Variants in ANKRD18A observed in about 807,000 individuals in gnomAD.
The protein encoded by ANKRD18A is ankyrin repeat domain-containing protein 18A.
In ANKRD18A, 72 loss-of-function variants were observed where a neutral mutation model predicts 110.6. That is an observed-to-expected ratio of 0.65 (90% CI 0.54 to 0.79). The LOEUF (loss-of-function observed/expected upper bound fraction) is 0.79. ANKRD18A is among the 30% of genes least tolerant of loss of function. The pLI is 0.00. For missense variants in ANKRD18A, 934 were observed against 1,163.3 expected (o/e 0.80, Z 2.87); for synonymous variants, 305 against 410.3 (o/e 0.74, Z 3.10).
intron 5 of ANKRD18A, among the ~76,000 whole-genome samples, chr9:38,609,988 C>A (rs1433684603): frequency 6.7e-6 from 1 of 149,456 alleles, no homozygotes; most frequent in African/African-American, 2.5e-5. Flanking sequence ...AAAAGATGGA[C>A]ATTATTTCTA....
At position 38,595,659 on chromosome 9, in the gene ANKRD18A, C is replaced by G. The variant is rs749401257; in HGVS notation, c.1681G>C (p.Glu561Gln). The G allele has an allele frequency of 3.2e-6, 5 of 1,551,214 alleles. No individual in the cohort carries two copies. The East Asian group carries it at 7.3e-5, about 23-fold the overall frequency. Reference sequence around the variant, plus strand: ...TTATCGCCTTCCTTACGAGCATCCTCTAGTTGTCGTTCAAGCAAGAGATTT... The same window carrying G: ...TTATCGCCTTCCTTACGAGCATCCTGTAGTTGTCGTTCAAGCAAGAGATTT... ...LENLLLERQL[E>Q]DARKEGDNKE... Residue 561 changes from glutamate to glutamine, a missense_variant, in exon 9 of 16, where the codon GAG (glutamate) becomes CAG (glutamine). This residue lies in a region of ANKRD18A where 630 missense variants were observed against 797.5 expected (regional missense o/e 0.79). Transcript: ENST00000399703.
Position 38,595,953 on chromosome 9 carries a change from A to G in ANKRD18A, c.1387T>C (p.Ser463Pro). 1 of 1,550,424 alleles carries G rather than the reference A, an allele frequency of 6.4e-7. No homozygotes were observed. The highest frequency in any genetic ancestry group is 8.7e-7 in the Non-Finnish European group (1 of 1,146,498). Reference sequence around the variant, plus strand: ...AACTCATTCTTATCTGTTAGTTGAGAAATATTAGAACCCATTTTTTCATGT... The same window carrying G: ...AACTCATTCTTATCTGTTAGTTGAGGAATATTAGAACCCATTTTTTCATGT... ...SRHEKMGSNI[S>P]QLTDKNELLT... Residue 463 changes from serine (S) to proline (P), a missense_variant, in exon 9 of 16, where the codon TCT becomes CCT. Around this residue, in one of 4 missense-constraint regions of ANKRD18A, gnomAD observed 630 missense variants for 797.5 expected, o/e 0.79. Transcript: ENST00000399703.
chr9:38,575,983 A>G (rs1223420682), intron 14 of ANKRD18A, among the ~76,000 whole-genome samples: 8 of 152,224 alleles, frequency 5.3e-5, no homozygotes, highest in Non-Finnish European at 7.3e-5. Context: ...CAGGTAACCT[A>G]GCTGCCTTCT....
At chr9:38,569,198 G>T (rs1823549965), downstream of ANKRD18A, 1 of 983,142 alleles carries the variant, frequency 1.0e-6, no homozygotes, top group Non-Finnish European at 1.2e-6. Context: ...CCATGATGGG[G>T]TTGTCCTGGT....
At chr9:38,615,027 T>C (rs1825790975) in intron 3 of ANKRD18A, among the ~76,000 whole-genome samples, 1 of 152,168 alleles carries the variant, frequency 6.6e-6, no homozygotes, top group African/African-American at 2.4e-5. Flanking sequence ...ACCCCAAAGC[T>C]GAAGAGCGCT....
chr9:38,598,714 G>A (rs1483622594), intron 8 of ANKRD18A, among the ~76,000 whole-genome samples: 8 of 152,114 alleles, frequency 5.3e-5, no homozygotes, highest in African/African-American at 1.9e-4. Context: ...ATTAGCAGTG[G>A]GACTGTCATA....
chr9:38,603,031 A>T (rs1407794944), intron 7 of ANKRD18A, 128 bp downstream of exon 7: 1 of 1,333,912 alleles, frequency 7.5e-7, no homozygotes, highest in East Asian at 2.7e-5. Context: ...GATGGGTGAA[A>T]ACCTTGTAAT....
chr9:38,617,196 CT>C (rs1227022785), intron 1 of ANKRD18A, among the ~76,000 whole-genome samples: 1 of 152,190 alleles, frequency 6.6e-6, no homozygotes, highest in East Asian at 1.9e-4. Flanking sequence ...GATCCCAGCA[CT>C]TTGGGAGGCC....
chr9:38,596,504 A>C lies in ANKRD18A; in HGVS notation c.937-101T>G, dbSNP rs1408963368. The stretch of plus-strand genomic sequence containing the variant: ...CAATCTATACATTCATGCAATTAAA[A>C]GTTGCTGTAAGTGGATATCCAACTG... On this transcript the variant is annotated intron_variant, in intron 8 of 15. Transcript: ENST00000399703. 2.9e-6 allele frequency: 3 copies of C among 1,040,020 alleles called. No individual in the cohort carries two copies. In the African/African-American group the frequency reaches 5.0e-5, roughly 17 times the overall value. 64.4% of individuals were successfully genotyped at this position (1,040,020 alleles called of 1,614,324 possible). A position where few individuals can be genotyped will look rare whatever the true frequency, so the allele number is the denominator to read the frequency against.
intron 12 of ANKRD18A, among the ~76,000 whole-genome samples, chr9:38,583,378 C>A (rs1323466808): frequency 1.3e-5 from 2 of 152,106 alleles, no homozygotes; most frequent in African/African-American, 2.4e-5. Flanking sequence ...ATGTTTACAG[C>A]AGCATTATTA....
chr9:38,609,437 C>A (rs146622699), intron 5 of ANKRD18A, among the ~76,000 whole-genome samples: 2,393 of 152,074 alleles, frequency 0.016, 24 homozygotes, highest in Non-Finnish European at 0.025. Context: ...GCCAAGATTG[C>A]GCCACTGCAC....
chr9:38,615,655 T>G lies in ANKRD18A; in HGVS notation c.434A>C (p.Lys145Thr). 1 of 1,611,680 alleles carries G rather than the reference T, an allele frequency of 6.2e-7. No individual in the cohort carries two copies. Among genetic ancestry groups the G allele is most frequent in the Non-Finnish European group, 8.5e-7 (1 of 1,179,654 alleles). Residue 145 changes from lysine (K) to threonine (T), a missense_variant, in exon 3 of 16, where the codon AAG (lysine) becomes ACG (threonine). By Grantham distance (78) the Lys-to-Thr change is moderately conservative (BLOSUM62 -1). Coordinates refer to ENST00000399703, the MANE Select transcript of ANKRD18A (RefSeq NM_147195.4). ...CAGTCTTTCTGCCAGTGAAGTCCCC[T>G]TATTATACACGGCATAATGGAGAGC... ...NTALHYAVYNKGTSLAERLLS... is the reference protein window; with the variant it reads ...NTALHYAVYNTGTSLAERLLS...
chr9:38,610,770 T>C (rs1825582968), intron 4 of ANKRD18A, among the ~76,000 whole-genome samples: 1 of 152,088 alleles, frequency 6.6e-6, no homozygotes, highest in African/African-American at 2.4e-5. Flanking sequence ...CTTTGAATTA[T>C]ATTGTAATTC....
intron 9 of ANKRD18A, 72 bp downstream of exon 9, chr9:38,595,414 A>C: frequency 2.4e-6 from 3 of 1,268,074 alleles, no homozygotes; most frequent in Non-Finnish European, 3.2e-6. Context: ...ATATTGAACT[A>C]GGTTCAACAT....
intron 6 of ANKRD18A, among the ~76,000 whole-genome samples, chr9:38,606,431 G>A (rs1447269332): frequency 6.6e-6 from 1 of 152,146 alleles, no homozygotes; most frequent in Non-Finnish European, 1.5e-5. Flanking sequence ...AGACTTTTGG[G>A]AGGATTTGCT....
intron 15 of ANKRD18A, among the ~76,000 whole-genome samples, chr9:38,574,940 AAAAATT>A (rs1018875267): frequency 3.3e-5 from 5 of 151,930 alleles, no homozygotes; most frequent in Non-Finnish European, 7.4e-5. Context: ...CTAAAAATAC[AAAAATT>A]AGCCAGGTGT....
intron 5 of ANKRD18A, among the ~76,000 whole-genome samples, chr9:38,609,891 G>A (rs1413659218): frequency 6.8e-6 from 1 of 148,100 alleles, no homozygotes; most frequent in Non-Finnish European, 1.5e-5. Context: ...GCCAAGGCAG[G>A]AGAATCACTT....
At chr9:38,592,940 A>G (rs1007800129) in intron 10 of ANKRD18A, among the ~76,000 whole-genome samples, 6 of 152,196 alleles carry the variant, frequency 3.9e-5, no homozygotes, top group African/African-American at 1.4e-4. Context: ...AGAGACATGG[A>G]GTGGGGTTGC....
At chr9:38,619,971 GCTCCGAGGGTGCCCGGCGCC>G in intron 1 of ANKRD18A, 89 bp downstream of exon 1, 1 of 1,368,990 alleles carries the variant, frequency 7.3e-7, no homozygotes, top group South Asian at 1.5e-5. Flanking sequence ...TGGCTCCGCT[GCTCCGAGGGTGCCCGGCGCC>G]CTCCAAGGTC....
Sources: gnomAD v4.1 joint callset for allele counts (sites outside exome capture counted in the v4.1 genomes callset) on GRCh38, gnomAD v4.1.1 for gene constraint, gnomAD v4.1.1 regional missense constraint, MANE v1.5 for transcripts, NCBI Gene and HGNC (gene_info 2026-07-23, HGNC 2026-07-21) for gene names.